The following MT3 variants were observed in gnomAD, a reference collection of about 807,000 sequenced individuals.
MT3 encodes the protein metallothionein 3, also known as metallothionein-3.
Under a neutral mutation model 10.9 loss-of-function variants are expected in MT3, and 8 were observed. The observed-to-expected ratio is 0.73, with a 90% CI of 0.43 to 1.33. The LOEUF (loss-of-function observed/expected upper bound fraction) is 1.33, where lower values mean the gene tolerates loss of function less well. Ranked by LOEUF, MT3 falls within the 40% of genes most tolerant of loss-of-function variation. The pLI is 0.01. For missense variants in MT3, 75 were observed against 83.9 expected (o/e 0.89, Z 0.41); for synonymous variants, 32 against 29.9 (o/e 1.07, Z -0.23).
At chr16:56,590,496 C>G (rs1959809773) in intron 2 of MT3, 1 of 429,596 alleles carries the variant, frequency 2.3e-6, no homozygotes, top group African/African-American at 2.0e-5. Flanking sequence ...CCAAGTTTAT[C>G]CTTTGAGGCC....
At chr16:56,590,390 G>C in intron 2 of MT3, 1 of 501,228 alleles carries the variant, frequency 2.0e-6, no homozygotes, top group South Asian at 2.7e-5. Context: ...TGGGAGGAAG[G>C]CTCCCTTCTT....
At chr16:56,589,767 G>T in intron 1 of MT3, 103 bp from the exon 2 acceptor site, 1 of 1,574,424 alleles carries the variant, frequency 6.4e-7, no homozygotes, top group African/African-American at 1.3e-5. Flanking sequence ...GGGCATGCCT[G>T]TGTCGCGGAG....
Position 56,589,876 on chromosome 16 carries a change from C to G in MT3, c.38C>G (p.Ser13Cys). Residue 13 changes from serine (S) to cysteine (C), a missense_variant, in exon 2 of 3, where the codon TCC becomes TGC. Ser to Cys is a moderately radical substitution (Grantham distance 112). Transcript: ENST00000200691. ...PETCPCPSGG[S>C]CTCADSCKCE... ...GTGGCGTCGCCCTCTCTAGGTGGCT[C>G]CTGCACCTGCGCGGACTCCTGCAAG... 1 of 1,614,120 alleles carries G rather than the reference C, an allele frequency of 6.2e-7. No individual in the cohort carries two copies.
chr16:56,590,167 AT>A (rs1176719570), intron 2 of MT3: 3 of 673,878 alleles, frequency 4.5e-6, no homozygotes, highest in Admixed American at 2.1e-5. Context: ...GAAGACTCCA[AT>A]GGCAGCTGGG....
intron 2 of MT3, 34 bp downstream of exon 2, chr16:56,589,969 C>T (rs1378060804): frequency 3.1e-6 from 5 of 1,609,050 alleles, no homozygotes; most frequent in Admixed American, 1.7e-5. Flanking sequence ...CTGCCGCCGC[C>T]CCCTCTGCTC....
At position 56,590,960 on chromosome 16, in the gene MT3, C is replaced by T. The variant is rs778489348; in HGVS notation, c.*11C>T. The T allele has an allele frequency of 1.9e-6, 3 of 1,610,000 alleles. No individual in the cohort carries two copies. The highest frequency in any genetic ancestry group is 2.5e-6 in the Non-Finnish European group (3 of 1,177,928). ...AGCTGCTGCCAGTGAGAAGGCACCC[C>T]TCCGTGTGGAGCACGTGGAGATAGT... On this transcript the variant is annotated 3_prime_UTR_variant, in exon 3 of 3. Transcript: ENST00000200691.
chr16:56,590,009 G>A, intron 2 of MT3, 74 bp downstream of exon 2: 1 of 1,514,930 alleles, frequency 6.6e-7, no homozygotes, highest in Non-Finnish European at 9.1e-7. Context: ...CACGCAGGAT[G>A]TGGAGAGACA....
At position 56,591,039 on chromosome 16, in the gene MT3, T is replaced by G; in HGVS notation, c.*90T>G. ...GTGGTGAAGTGTGGCTGGTGTCCCC[T>G]TCCCCTGCTGACCTTGGAGGAATGA... On this transcript the variant is annotated 3_prime_UTR_variant, in exon 3 of 3. Transcript: ENST00000200691. The G allele has an allele frequency of 9.5e-7, 1 of 1,047,172 alleles. No individual in the cohort carries two copies. Among genetic ancestry groups the G allele is most frequent in the Non-Finnish European group, 1.4e-6 (1 of 690,854 alleles). The allele number at this position is 1,047,172 out of a possible 1,614,324, so 64.9% of individuals were successfully genotyped here. A position where few individuals can be genotyped will look rare whatever the true frequency, so the allele number is the denominator to read the frequency against.
At chr16:56,590,291 T>A (rs1959807545) in intron 2 of MT3, 1 of 597,858 alleles carries the variant, frequency 1.7e-6, no homozygotes. Context: ...TCCGGTCCCT[T>A]GGCCTCTCTC....
chr16:56,589,726 C>T (rs758371218), intron 1 of MT3, 105 bp downstream of exon 1: 2 of 1,588,766 alleles, frequency 1.3e-6, no homozygotes, highest in African/African-American at 2.7e-5. Context: ...GGAAGGGCCC[C>T]TGATTCCCTA....
rs778923622 is a variant in MT3, at chr16:56,589,640, T to C, written c.31+19T>C. ...CCTTCTGGTGAGCCCCCGCCCCCGC[T>C]CGCATCCTGCGCACTGCGCGCCCTT... is the stretch of plus-strand genomic sequence containing the variant. On this transcript the variant is annotated intron_variant, in intron 1 of 2. Transcript: ENST00000200691. 6.2e-7 allele frequency: 1 copy of C among 1,605,472 alleles called. No individual in the cohort carries two copies. The highest frequency in any genetic ancestry group is 2.2e-5 in the East Asian group (1 of 44,846).
chr16:56,590,402 C>T (rs1295526566), intron 2 of MT3: 2 of 493,386 alleles, frequency 4.1e-6, no homozygotes, highest in Non-Finnish European at 7.2e-6. Context: ...TCCCTTCTTC[C>T]CTAGGTATGA....
intron 2 of MT3, chr16:56,590,427 C>T: frequency 2.1e-6 from 1 of 470,390 alleles, no homozygotes; most frequent in South Asian, 2.8e-5. Flanking sequence ...AGGCACAGGT[C>T]CCCACCGCCT....
chr16:56,590,647 TGG>T lies in MT3; in HGVS notation c.98-192_98-191del, dbSNP rs1172212025. 3 of 601,738 alleles carry T rather than the reference TGG, an allele frequency of 5.0e-6. No individual in the cohort carries two copies. In the African/African-American group the frequency reaches 5.5e-5, roughly 11 times the overall value. The allele number at this position is 601,738 out of a possible 1,614,324, so 37.3% of individuals were successfully genotyped here. On this transcript the variant is annotated intron_variant, in intron 2 of 2. Transcript: ENST00000200691. Reference sequence around the variant, plus strand: ...TCATTTCCTGGGTACCTCACTCCTGTGGAGGTGCAGGATGCCACTGCCGCGAC... The same window carrying T: ...TCATTTCCTGGGTACCTCACTCCTGTAGGTGCAGGATGCCACTGCCGCGAC...
Position 56,589,924 on chromosome 16 carries a change from C to A in MT3, c.86C>A (p.Ser29Tyr), listed in dbSNP as rs1317234710. The A allele has an allele frequency of 6.2e-7, 1 of 1,614,118 alleles. No individual in the cohort carries two copies. Among genetic ancestry groups the A allele is most frequent in the Non-Finnish European group, 8.5e-7 (1 of 1,180,030 alleles). Residue 29 changes from serine to tyrosine, a missense_variant, in exon 2 of 3, where the codon TCC becomes TAC. By Grantham distance (144) the Ser-to-Tyr change is moderately radical. Transcript: ENST00000200691. ...AAGTGCGAGGGATGCAAATGCACCTCCTGCAAGAAGAGTGAGTGCGGGGAC... is the reference window on the plus strand; with the variant it reads ...AAGTGCGAGGGATGCAAATGCACCTACTGCAAGAAGAGTGAGTGCGGGGAC... ...SCKCEGCKCT[S>Y]CKKSCCSCCP...
intron 2 of MT3, chr16:56,590,583 G>A: frequency 1.9e-6 from 1 of 534,194 alleles, no homozygotes; most frequent in South Asian, 2.1e-5. Flanking sequence ...AAGCCCACCA[G>A]CCCCCAGGAC....
At chr16:56,589,820 G>A in intron 1 of MT3, 50 bp from the exon 2 acceptor site, 1 of 1,607,266 alleles carries the variant, frequency 6.2e-7, no homozygotes, top group Non-Finnish European at 8.5e-7. Flanking sequence ...ACAGGCGTGG[G>A]GACCCGAGTT....
In MT3 at chr16:56,591,011, C is replaced by A; in HGVS notation, c.*62C>A. The A allele has an allele frequency of 1.4e-6, 2 of 1,410,180 alleles. No individual in the cohort carries two copies. The highest frequency in any genetic ancestry group is 9.9e-7 in the Non-Finnish European group (1 of 1,009,912). 87.4% of individuals were successfully genotyped at this position (1,410,180 alleles called of 1,614,324 possible). A position where few individuals can be genotyped will look rare whatever the true frequency, so the allele number is the denominator to read the frequency against. Reference sequence around the variant, plus strand: ...GCCAGGTGGCTCAGTGCCACCTATGCCTGTGGTGAAGTGTGGCTGGTGTCC... The same window carrying A: ...GCCAGGTGGCTCAGTGCCACCTATGACTGTGGTGAAGTGTGGCTGGTGTCC... On this transcript the variant is annotated 3_prime_UTR_variant, in exon 3 of 3. Transcript: ENST00000200691.
rs776730360 is a variant in MT3, at chr16:56,589,580, C to T, written c.-11C>T. 9.6e-6 allele frequency: 15 copies of T among 1,569,394 alleles called. No individual in the cohort carries two copies. The highest frequency in any genetic ancestry group is 1.7e-4 in the Middle Eastern group (1 of 5,892). ...GCCCGTTCACCGCCTCCAGCTGCTG[C>T]TCTCCTCGACATGGACCCTGAGACC... On this transcript the variant is annotated 5_prime_UTR_variant, in exon 1 of 3. Transcript: ENST00000200691.
Sources: allele counts gnomAD v4.1 joint callset, GRCh38; gene constraint gnomAD v4.1.1; transcripts MANE v1.5; gene names NCBI Gene and HGNC (gene_info 2026-07-23, HGNC 2026-07-21).